XKR4: variants seen among roughly 807,000 people sequenced by gnomAD.
XKR4 encodes XK-related protein 4.
XKR4 carries 12 observed loss-of-function variants against 53.9 expected under a neutral mutation model. That is an observed-to-expected ratio of 0.22 (90% CI 0.14 to 0.36). The LOEUF is 0.36. XKR4 is among the 10% of genes least tolerant of loss of function. The probability of loss-of-function intolerance (pLI) is 1.00; values close to 1 mark genes in which losing one functional copy is unlikely to be tolerated. For synonymous variants in XKR4, 354 were observed against 362.4 expected (o/e 0.98, Z 0.26); for missense variants, 799 against 859.5 (o/e 0.93, Z 0.88).
At chr8:55,273,387 T>C (rs1367132446) in intron 1 of XKR4, among the ~76,000 whole-genome samples, 1 of 152,186 alleles carries the variant, frequency 6.6e-6, no homozygotes, top group Non-Finnish European at 1.5e-5. Flanking sequence ...GTTTATAGTT[T>C]AAACAAAGAT....
intron 2 of XKR4, among the ~76,000 whole-genome samples, chr8:55,389,074 C>T (rs1222565966): frequency 2.0e-5 from 3 of 152,182 alleles, no homozygotes; most frequent in African/African-American, 7.2e-5. Flanking sequence ...TGAACACGAA[C>T]ATGCACACAC....
At chr8:55,114,400 A>G (rs1816276880) in intron 1 of XKR4, among the ~76,000 whole-genome samples, 1 of 152,208 alleles carries the variant, frequency 6.6e-6, no homozygotes, top group East Asian at 1.9e-4. Context: ...TGAGAGCACC[A>G]GTGGGGTCAG....
intron 1 of XKR4, among the ~76,000 whole-genome samples, chr8:55,240,600 G>A (rs921957819): frequency 6.6e-6 from 1 of 152,012 alleles, no homozygotes; most frequent in Non-Finnish European, 1.5e-5. Context: ...AGGACAATAC[G>A]GAAAATAAAC....
intron 1 of XKR4, among the ~76,000 whole-genome samples, chr8:55,160,183 T>G (rs999037835): frequency 1.3e-5 from 2 of 152,198 alleles, no homozygotes; most frequent in Non-Finnish European, 2.9e-5. Flanking sequence ...CGTGGTTGTA[T>G]TTTTACTCCA....
chr8:55,256,936 C>A (rs13254818), intron 1 of XKR4, among the ~76,000 whole-genome samples: 23,249 of 152,128 alleles, frequency 0.15, 2,155 homozygotes, highest in Non-Finnish European at 0.21. Flanking sequence ...AAGGGTCCAG[C>A]AGATGTGGTG....
chr8:55,450,155 A>C (rs1474680620), intron 2 of XKR4: 9 of 677,322 alleles, frequency 1.3e-5, no homozygotes, highest in Non-Finnish European at 2.2e-5. Flanking sequence ...TGCAGGCGTG[A>C]GATGGCGTCA....
intron 1 of XKR4, among the ~76,000 whole-genome samples, chr8:55,112,099 A>G (rs1816240023): frequency 6.6e-6 from 1 of 152,210 alleles, no homozygotes. Flanking sequence ...CCATGCCAAC[A>G]TTTCAGATTT....
rs1184411242 is a variant in XKR4, at chr8:55,142,655, C to G, written c.806+39361C>G. Among the ~76,000 whole-genome samples the G allele has an allele frequency of 2.6e-5, 4 of 152,078 alleles. No individual in the cohort carries two copies. In the East Asian group the frequency reaches 7.7e-4, roughly 29 times the overall value. ...CAAAAGTGTATTAATTCTTAGTACT[C>G]AATAAACTTTAAAAAAAAATTTCCA... is the stretch of plus-strand genomic sequence containing the variant. On this transcript the variant is annotated intron_variant, in intron 1 of 2. Coordinates refer to ENST00000327381, the MANE Select transcript of XKR4 (RefSeq NM_052898.2).
At chr8:55,263,546 G>A (rs72651882) in intron 1 of XKR4, among the ~76,000 whole-genome samples, 6,922 of 152,308 alleles carry the variant, frequency 0.045, 227 homozygotes, top group Non-Finnish European at 0.06. Flanking sequence ...AATAGCATGC[G>A]TATGTAAATA....
intron 2 of XKR4, among the ~76,000 whole-genome samples, chr8:55,499,569 A>C (rs1806405618): frequency 6.6e-6 from 1 of 152,236 alleles, no homozygotes; most frequent in Non-Finnish European, 1.5e-5. Context: ...GTTAACAGGC[A>C]GAGAGAACTT....
At chr8:55,206,935 A>G (rs1330879313) in intron 1 of XKR4, among the ~76,000 whole-genome samples, 2 of 152,232 alleles carry the variant, frequency 1.3e-5, no homozygotes, top group African/African-American at 4.8e-5. Flanking sequence ...CAGCTGAATA[A>G]CTGACACATA....
At chr8:55,220,565 A>G (rs1817867348) in intron 1 of XKR4, among the ~76,000 whole-genome samples, 1 of 152,206 alleles carries the variant, frequency 6.6e-6, no homozygotes, top group African/African-American at 2.4e-5. Context: ...GCCTGGCTCT[A>G]GAGGAAGTGG....
At chr8:55,334,999 G>A (rs1417165442) in intron 1 of XKR4, among the ~76,000 whole-genome samples, 1 of 152,146 alleles carries the variant, frequency 6.6e-6, no homozygotes, top group East Asian at 1.9e-4. Context: ...TACAAGAAAA[G>A]CCTCAGCCTA....
chr8:55,452,255 C>T (rs1264048119), intron 2 of XKR4: 3 of 650,068 alleles, frequency 4.6e-6, no homozygotes, highest in Non-Finnish European at 8.4e-6. Context: ...GCCCGTCCTG[C>T]AATAGCTGAT....
At chr8:55,155,983 A>G (rs1246669476) in intron 1 of XKR4, among the ~76,000 whole-genome samples, 1 of 152,294 alleles carries the variant, frequency 6.6e-6, no homozygotes, top group East Asian at 1.9e-4. Context: ...AAAAAATATC[A>G]CTCAAAAACC....
At chr8:55,391,535 C>T (rs1036476603) in intron 2 of XKR4, among the ~76,000 whole-genome samples, 1 of 152,036 alleles carries the variant, frequency 6.6e-6, no homozygotes, top group South Asian at 2.1e-4. Flanking sequence ...GGTATATATC[C>T]TTTATGTGAA....
In XKR4 at chr8:55,247,113, T is replaced by A. The variant is rs117327910; in HGVS notation, c.807-110565T>A. ...TTTCTTCTTCTTCCTCATGTTCCAA[T>A]ATTTTTAAGCCAAAGAGGAGAAATT... On this transcript the variant is annotated intron_variant, in intron 1 of 2. Coordinates refer to ENST00000327381, the MANE Select transcript of XKR4 (RefSeq NM_052898.2). 9.6e-3 allele frequency among the ~76,000 whole-genome samples: 1,457 copies of A among 152,312 alleles called. 18 individuals carry two copies. Among genetic ancestry groups the A allele is most frequent in the Middle Eastern group, 0.031 (9 of 294 alleles).
At chr8:55,389,342 T>C (rs1804405292) in intron 2 of XKR4, among the ~76,000 whole-genome samples, 1 of 152,214 alleles carries the variant, frequency 6.6e-6, no homozygotes, top group Non-Finnish European at 1.5e-5. Context: ...GGAAATGATT[T>C]CTTGCTAGCT....
intron 2 of XKR4, among the ~76,000 whole-genome samples, chr8:55,505,235 G>T (rs984105620): frequency 3.3e-5 from 5 of 152,064 alleles, no homozygotes; most frequent in Non-Finnish European, 7.4e-5. Flanking sequence ...AGTTTTTGCT[G>T]CATCTATTAG....
Sources: allele counts gnomAD v4.1 joint callset (sites outside exome capture counted in the v4.1 genomes callset), GRCh38; gene constraint gnomAD v4.1.1; transcripts MANE v1.5; gene names NCBI Gene and HGNC (gene_info 2026-07-23, HGNC 2026-07-21).